COL26A1: variants seen among roughly 807,000 people sequenced by gnomAD.
COL26A1 encodes collagen alpha-1(XXVI) chain.
COL26A1 carries 41 observed loss-of-function variants against 59.3 expected under a neutral mutation model. The ratio of observed to expected loss-of-function variants is 0.69; its 90% CI spans 0.54 to 0.90. COL26A1 has a LOEUF of 0.90. COL26A1 is among the 40% of genes least tolerant of loss of function. COL26A1 has a pLI of 0.00. For synonymous variants in COL26A1, 266 were observed against 256.0 expected (o/e 1.04, Z -0.37); for missense variants, 612 against 602.3 (o/e 1.02, Z -0.17).
chr7:101,396,611 C>T (rs539478256), intron 1 of COL26A1, among the ~76,000 whole-genome samples: 86 of 152,162 alleles, frequency 5.7e-4, no homozygotes, highest in African/African-American at 2.0e-3. Context: ...TACAGGTGCC[C>T]GCCATCATGC....
intron 2 of COL26A1, among the ~76,000 whole-genome samples, chr7:101,438,680 G>A (rs1792974852): frequency 6.6e-6 from 1 of 151,166 alleles, no homozygotes; most frequent in Non-Finnish European, 1.5e-5. Flanking sequence ...TTTTCTTTTT[G>A]TATTTTTTTT....
chr7:101,365,511 C>T (rs1791022741), intron 1 of COL26A1, among the ~76,000 whole-genome samples: 1 of 152,130 alleles, frequency 6.6e-6, no homozygotes, highest in Admixed American at 6.6e-5. Flanking sequence ...ACTGCAACCT[C>T]TGCCTCCCAA....
At chr7:101,470,033 C>G (rs1793856155) in intron 3 of COL26A1, among the ~76,000 whole-genome samples, 2 of 151,720 alleles carry the variant, frequency 1.3e-5, no homozygotes, top group Admixed American at 1.3e-4. Context: ...GAAGTTGAAT[C>G]AGCGAAAGCA....
chr7:101,362,927 C>G lies in COL26A1; in HGVS notation c.-106C>G. 1 of 1,221,436 alleles carries G rather than the reference C, an allele frequency of 8.2e-7. No homozygotes were observed. The highest frequency in any genetic ancestry group is 1.1e-6 in the Non-Finnish European group (1 of 913,948). 75.7% of individuals were successfully genotyped at this position (1,221,436 alleles called of 1,614,324 possible). On this transcript the variant is annotated 5_prime_UTR_variant, in exon 1 of 13. Coordinates refer to ENST00000313669, the MANE Select transcript of COL26A1 (RefSeq NM_001278563.3). Reference sequence around the variant, plus strand: ...CGGGCTCCGACCGCTCGCCCCGCTCCTCTCGCTGTGCTCCCGGCCGGTGCC... The same window carrying G: ...CGGGCTCCGACCGCTCGCCCCGCTCGTCTCGCTGTGCTCCCGGCCGGTGCC...
chr7:101,393,713 C>T (rs1454978405), intron 1 of COL26A1, among the ~76,000 whole-genome samples: 1 of 152,144 alleles, frequency 6.6e-6, no homozygotes. Context: ...TCCCAAAGTG[C>T]TGGGATTACA....
chr7:101,396,028 T>C (rs1006595038), intron 1 of COL26A1, among the ~76,000 whole-genome samples: 7 of 152,030 alleles, frequency 4.6e-5, no homozygotes, highest in Non-Finnish European at 1.0e-4. Context: ...GAGGTTGCAG[T>C]GGGAGGATTG....
At chr7:101,378,562 A>G (rs1405140298) in intron 1 of COL26A1, among the ~76,000 whole-genome samples, 1 of 151,682 alleles carries the variant, frequency 6.6e-6, no homozygotes, top group Non-Finnish European at 1.5e-5. Context: ...GTGTTTCCCT[A>G]TGTCACCCAG....
At chr7:101,457,376 C>T (rs183453116) in intron 3 of COL26A1, among the ~76,000 whole-genome samples, 6 of 152,344 alleles carry the variant, frequency 3.9e-5, no homozygotes, top group African/African-American at 1.2e-4. Context: ...ATTATAGAAA[C>T]CATGTCTACA....
intron 3 of COL26A1, among the ~76,000 whole-genome samples, chr7:101,497,948 C>T (rs556961905): frequency 1.8e-4 from 28 of 152,276 alleles, no homozygotes; most frequent in South Asian, 8.3e-4. Flanking sequence ...TGCACCACCG[C>T]GCTCTAGCCT....
At chr7:101,434,051 T>G (rs1371982778) in intron 2 of COL26A1, among the ~76,000 whole-genome samples, 2 of 19,498 alleles carry the variant, frequency 1.0e-4, no homozygotes, top group African/African-American at 4.1e-4. Flanking sequence ...CTTCCCTCCC[T>G]CCCTCCCTCC....
intron 3 of COL26A1, among the ~76,000 whole-genome samples, chr7:101,530,566 TAAAAAAAAAAAAAA>T (rs558473831): frequency 1.2e-4 from 11 of 90,234 alleles, no homozygotes; most frequent in East Asian, 8.8e-4. Context: ...ACTCTGTCTT[TAAAAAAAAAAAAAA>T]AAAAAAAAAA....
At chr7:101,437,976 G>C (rs777444825) in intron 2 of COL26A1, among the ~76,000 whole-genome samples, 1 of 152,146 alleles carries the variant, frequency 6.6e-6, no homozygotes. Context: ...GCCTCCCGAA[G>C]TGTTGGGATT....
intron 3 of COL26A1, among the ~76,000 whole-genome samples, chr7:101,516,743 C>A (rs748519876): frequency 2.0e-5 from 3 of 152,136 alleles, no homozygotes; most frequent in Non-Finnish European, 4.4e-5. Context: ...CAGGGTCACA[C>A]AGCGTGTCGG....
At chr7:101,433,150 C>T (rs1028366952) in intron 2 of COL26A1, among the ~76,000 whole-genome samples, 2 of 151,994 alleles carry the variant, frequency 1.3e-5, no homozygotes, top group African/African-American at 4.8e-5. Flanking sequence ...TAGTGAAACC[C>T]CGTTTCCACT....
chr7:101,549,937 C>A (rs1333176273), intron 9 of COL26A1, among the ~76,000 whole-genome samples: 3 of 152,166 alleles, frequency 2.0e-5, no homozygotes, highest in African/African-American at 7.2e-5. Flanking sequence ...AGCCCCTAAC[C>A]CCAGGTTCGC....
intron 1 of COL26A1, among the ~76,000 whole-genome samples, chr7:101,367,359 G>T (rs10227033): frequency 0.58 from 88,145 of 151,954 alleles, 27,144 homozygotes; most frequent in African/African-American, 0.8. Context: ...ATTTGATTAG[G>T]GATGTTATAA....
At chr7:101,535,478 A>G (rs1243446186) in intron 4 of COL26A1, among the ~76,000 whole-genome samples, 2 of 152,038 alleles carry the variant, frequency 1.3e-5, no homozygotes, top group African/African-American at 4.8e-5. Flanking sequence ...GCTGTCCCCC[A>G]CCCACCTGGC....
intron 3 of COL26A1, among the ~76,000 whole-genome samples, chr7:101,461,951 T>C (rs1359138626): frequency 6.6e-6 from 1 of 151,336 alleles, no homozygotes; most frequent in African/African-American, 2.4e-5. Flanking sequence ...TAGCCTGTTA[T>C]GGTGATGGTG....
chr7:101,536,807 G>C (rs779837373), intron 4 of COL26A1, among the ~76,000 whole-genome samples: 1 of 152,234 alleles, frequency 6.6e-6, no homozygotes, highest in Non-Finnish European at 1.5e-5. Context: ...AAGAAGCCAG[G>C]CTCTTCGCTG....
Sources: gnomAD v4.1 joint callset for allele counts (sites outside exome capture counted in the v4.1 genomes callset) on GRCh38, gnomAD v4.1.1 for gene constraint, MANE v1.5 for transcripts, NCBI Gene and HGNC (gene_info 2026-07-23, HGNC 2026-07-21) for gene names.